Variants in PODN observed in about 807,000 individuals in gnomAD.
The protein encoded by PODN is podocan proteoglycan.
PODN carries 40 observed loss-of-function variants against 52.7 expected under a neutral mutation model. That is an observed-to-expected ratio of 0.76 (90% confidence interval 0.59 to 0.99). The LOEUF (loss-of-function observed/expected upper bound fraction) is 0.99. Ranked by LOEUF, PODN falls within the 50% of genes least tolerant of loss-of-function variation. The pLI is 0.00. For synonymous variants in PODN, 396 were observed against 377.9 expected (o/e 1.05, Z -0.56); for missense variants, 720 against 815.1 (o/e 0.88, Z 1.42).
At position 53,078,826 on chromosome 1, in the gene PODN, G is replaced by A. The variant is rs1291932367; in HGVS notation, c.1316G>A (p.Gly439Asp). The A allele has an allele frequency of 2.5e-6, 4 of 1,612,802 alleles. No individual in the cohort carries two copies. Among genetic ancestry groups the A allele is most frequent in the East Asian group, 2.2e-5 (1 of 44,874 alleles). Residue 439 changes from glycine (G) to aspartate (D), a missense_variant, in exon 8 of 11, where the codon GGC (glycine) becomes GAC (aspartate). Gly to Asp is a moderately conservative substitution (Grantham distance 94). Coordinates refer to ENST00000312553, the MANE Select transcript of PODN (RefSeq NM_153703.5). ...LRLLRSLDLS[G>D]NRLHTLPPGL... ...CTGCTGCGCTCGCTGGACCTGTCGGGCAACCGGCTGCACACGCTGCCACCT... is the reference window on the plus strand; with the variant it reads ...CTGCTGCGCTCGCTGGACCTGTCGGACAACCGGCTGCACACGCTGCCACCT...
rs370203470 is a variant in PODN, at chr1:53,079,011, G to A, written c.1501G>A (p.Ala501Thr). Residue 501 changes from alanine to threonine, a missense_variant, in exon 8 of 11, where the codon GCC becomes ACC. Physicochemically the swap from Ala to Thr is moderately conservative, Grantham distance 58. Coordinates refer to ENST00000312553, the MANE Select transcript of PODN (RefSeq NM_153703.5). ...GGGCCCCCGTGCCTGGGTGGACCTC[G>A]CCCATCTGCAGGTAAGCGGAAGGGA... ...ALGPRAWVDL[A>T]HLQLLDIAGN... The A allele has an allele frequency of 2.1e-5, 33 of 1,551,098 alleles. No individual in the cohort carries two copies. The highest frequency in any genetic ancestry group is 1.7e-4 in the Admixed American group (9 of 54,224).
Position 53,081,970 on chromosome 1 carries a change from T to A in PODN, c.1662-11T>A. 1 of 1,581,550 alleles carries A rather than the reference T, an allele frequency of 6.3e-7. No homozygotes were observed. The highest frequency in any genetic ancestry group is 8.6e-7 in the Non-Finnish European group (1 of 1,159,562). ...GGGCTCCTGGCATTGACTGCCTCGA[T>A]GCTCACACAGGTTTAACAAGCTGGC... On this transcript the variant is annotated splice_polypyrimidine_tract_variant and intron_variant, in intron 9 of 10. Coordinates refer to ENST00000312553, the MANE Select transcript of PODN (RefSeq NM_153703.5).
chr1:53,080,890 C>G lies in PODN; in HGVS notation c.1661+14C>G. 6.2e-7 allele frequency: 1 copy of G among 1,613,382 alleles called. No homozygotes were observed. The highest frequency in any genetic ancestry group is 1.7e-4 in the Middle Eastern group (1 of 6,060). On this transcript the variant is annotated intron_variant, in intron 9 of 10. Coordinates refer to ENST00000312553, the MANE Select transcript of PODN (RefSeq NM_153703.5). ...GATCTTTCTCAGGTAGGAGCCCACT[C>G]GCGGCCCTGTACACACCCCCGTGGG...
chr1:53,079,002 G>A lies in PODN; in HGVS notation c.1492G>A (p.Val498Met), dbSNP rs1431235217. 1 of 1,559,200 alleles carries A rather than the reference G, an allele frequency of 6.4e-7. No homozygotes were observed. Among genetic ancestry groups the A allele is most frequent in the East Asian group, 2.4e-5 (1 of 42,492 alleles). Residue 498 changes from valine (V) to methionine (M), a missense_variant, in exon 8 of 11, where the codon GTG (valine) becomes ATG (methionine). Physicochemically the swap from Val to Met is conservative, Grantham distance 21 (BLOSUM62 1). Coordinates refer to ENST00000312553, the MANE Select transcript of PODN (RefSeq NM_153703.5). ...CCGAGCCCTGGGCCCCCGTGCCTGG[G>A]TGGACCTCGCCCATCTGCAGGTAAG... Reference protein sequence around the residue: ...RSRALGPRAWVDLAHLQLLDI... With the variant: ...RSRALGPRAWMDLAHLQLLDI...
chr1:53,077,557 C>T (rs1438325510), intron 6 of PODN, 128 bp from the exon 7 acceptor site: 28 of 1,156,310 alleles, frequency 2.4e-5, no homozygotes, highest in Non-Finnish European at 3.3e-5. Flanking sequence ...TGGCCCCACA[C>T]CTGGGTTGCT....
At chr1:53,068,190 G>A (rs72905174) in intron 1 of PODN, among the ~76,000 whole-genome samples, 14,300 of 152,282 alleles carry the variant, frequency 0.094, 1,108 homozygotes, top group African/African-American at 0.21. Context: ...TTAGATGATT[G>A]TAGTCACATA....
chr1:53,081,363 A>T (rs901991659), intron 9 of PODN, among the ~76,000 whole-genome samples: 1 of 152,186 alleles, frequency 6.6e-6, no homozygotes, highest in East Asian at 1.9e-4. Context: ...ACTTCCCACA[A>T]TCCCTGCCCC....
rs149120368 is a variant in PODN, at chr1:53,082,006, G to A, written c.1687G>A (p.Val563Met). The A allele has an allele frequency of 2.2e-5, 35 of 1,611,218 alleles. No homozygotes were observed. Among genetic ancestry groups the A allele is most frequent in the Non-Finnish European group, 2.8e-5 (33 of 1,178,616 alleles). Residue 563 changes from valine to methionine, a missense_variant, in exon 10 of 11, where the codon GTG (valine) becomes ATG (methionine). Transcript: ENST00000312553. ...GTTTAACAAGCTGGCTGTGGGCTCC[G>A]TGGTGGACAGTGCCTTCCGGAGGCT... The part of the protein sequence containing the change: ...LRFNKLAVGS[V>M]VDSAFRRLKH...
At chr1:53,072,545 A>G (rs1235058245) in intron 3 of PODN, among the ~76,000 whole-genome samples, 9 of 152,198 alleles carry the variant, frequency 5.9e-5, no homozygotes, top group Admixed American at 5.9e-4. Context: ...GAGATTCTGC[A>G]GCAACTGGGA....
intron 2 of PODN, 129 bp downstream of exon 2, chr1:53,070,296 A>C: frequency 1.4e-6 from 2 of 1,392,558 alleles, no homozygotes; most frequent in Non-Finnish European, 1.9e-6. Flanking sequence ...TCCACTCCCA[A>C]CCACAGGGTG....
intron 9 of PODN, 82 bp downstream of exon 9, chr1:53,080,958 A>G: frequency 1.3e-6 from 2 of 1,546,000 alleles, no homozygotes; most frequent in Non-Finnish European, 1.8e-6. Flanking sequence ...ACGTGGGAAC[A>G]GCTTGGCTCC....
In PODN at chr1:53,074,689, G is replaced by A; in HGVS notation, c.471+19G>A. 1 of 1,613,056 alleles carries A rather than the reference G, an allele frequency of 6.2e-7. No homozygotes were observed. Among genetic ancestry groups the A allele is most frequent in the East Asian group, 2.2e-5 (1 of 44,870 alleles). On this transcript the variant is annotated intron_variant, in intron 4 of 10. Coordinates refer to ENST00000312553, the MANE Select transcript of PODN (RefSeq NM_153703.5). Reference sequence around the variant, plus strand: ...TAACAAGGTGAGGGGCTTGAGGCAGGGTGGGGGGTTGCTGCCCTGTCCTCT... The same window carrying A: ...TAACAAGGTGAGGGGCTTGAGGCAGAGTGGGGGGTTGCTGCCCTGTCCTCT...
At chr1:53,080,475 A>G (rs1194966238) in intron 8 of PODN, among the ~76,000 whole-genome samples, 1 of 152,212 alleles carries the variant, frequency 6.6e-6, no homozygotes, top group Non-Finnish European at 1.5e-5. Context: ...ACGTTCATCA[A>G]TTAGAATAAG....
intron 5 of PODN, among the ~76,000 whole-genome samples, chr1:53,076,927 G>A (rs1040232162): frequency 6.6e-6 from 1 of 152,188 alleles, no homozygotes; most frequent in Admixed American, 6.5e-5. Flanking sequence ...CTGAGACCTT[G>A]AAAGGCGTGG....
In PODN at chr1:53,080,872, C is replaced by T; in HGVS notation, c.1657C>T (p.Leu553Phe). The T allele has an allele frequency of 6.2e-7, 1 of 1,613,954 alleles. No individual in the cohort carries two copies. Among genetic ancestry groups the T allele is most frequent in the Non-Finnish European group, 8.5e-7 (1 of 1,180,016 alleles). ...CACGCCCAACCTCAAGGGGATCTTT[C>T]TCAGGTAGGAGCCCACTCGCGGCCC... Reference protein sequence around the residue: ...DSTPNLKGIFLRFNKLAVGSV... With the variant: ...DSTPNLKGIFFRFNKLAVGSV... Residue 553 changes from leucine to phenylalanine, a missense_variant, in exon 9 of 11, where the codon CTC (leucine) becomes TTC (phenylalanine). By Grantham distance (22) the Leu-to-Phe change is conservative. Transcript: ENST00000312553.
At position 53,077,144 on chromosome 1, in the gene PODN, G is replaced by A. The variant is rs749789506; in HGVS notation, c.582-46G>A. 12 of 1,600,336 alleles carry A rather than the reference G, an allele frequency of 7.5e-6. 1 individual carries two copies. The South Asian group carries it at 1.0e-4, about 14-fold the overall frequency. On this transcript the variant is annotated intron_variant, in intron 5 of 10. Coordinates refer to ENST00000312553, the MANE Select transcript of PODN (RefSeq NM_153703.5). ...AGGCTCACCAGTTGAGCTGGCGCAGGGCCTGGGGAGCCCAGGTGGGTGAGG... is the reference window on the plus strand; with the variant it reads ...AGGCTCACCAGTTGAGCTGGCGCAGAGCCTGGGGAGCCCAGGTGGGTGAGG...
chr1:53,077,387 C>T (rs1644210925), intron 6 of PODN, 41 bp downstream of exon 6: 1 of 1,604,898 alleles, frequency 6.2e-7, no homozygotes, highest in Non-Finnish European at 8.5e-7. Context: ...GCAGACCCCA[C>T]AGCCAGGGCA....
At chr1:53,069,678 C>A in intron 1 of PODN, 123 bp from the exon 2 acceptor site, 1 of 1,375,214 alleles carries the variant, frequency 7.3e-7, no homozygotes, top group African/African-American at 1.5e-5. Flanking sequence ...TGGGCAGGTG[C>A]GGAGGGCAGC....
intron 4 of PODN, 136 bp from the exon 5 acceptor site, chr1:53,075,726 C>A: frequency 1.4e-6 from 1 of 697,534 alleles, no homozygotes; most frequent in Non-Finnish European, 2.5e-6. Context: ...GGGGGTGGGA[C>A]AAGTTTCAAT....
Sources: gnomAD v4.1 joint callset for allele counts (sites outside exome capture counted in the v4.1 genomes callset) on GRCh38, gnomAD v4.1.1 for gene constraint, MANE v1.5 for transcripts, NCBI Gene and HGNC (gene_info 2026-07-23, HGNC 2026-07-21) for gene names.